LEPR: variants seen among roughly 807,000 people sequenced by gnomAD.
LEPR encodes the protein leptin receptor.
Under a neutral mutation model 114.7 loss-of-function variants are expected in LEPR, and 56 were observed. The ratio of observed to expected loss-of-function variants is 0.49; its 90% CI spans 0.39 to 0.61. LEPR has a LOEUF of 0.61. Ranked by LOEUF, LEPR falls within the 20% of genes least tolerant of loss-of-function variation. LEPR has a pLI of 0.00. For synonymous variants in LEPR, 443 were observed against 461.4 expected (o/e 0.96, Z 0.51); for missense variants, 1,202 against 1,352.9 (o/e 0.89, Z 1.75).
At chr1:65,456,481 A>G (rs1437960133) in intron 2 of LEPR, among the ~76,000 whole-genome samples, 1 of 152,056 alleles carries the variant, frequency 6.6e-6, no homozygotes, top group Non-Finnish European at 1.5e-5. Flanking sequence ...TTTGCCTCTC[A>G]TTTTAATGTA....
intron 15 of LEPR, among the ~76,000 whole-genome samples, chr1:65,617,298 C>A (rs1188750670): frequency 2.6e-5 from 4 of 152,122 alleles, no homozygotes; most frequent in Non-Finnish European, 5.9e-5. Flanking sequence ...CCTGACCTGG[C>A]ATTGAGATTC....
At chr1:65,456,142 C>G (rs1012518076) in intron 2 of LEPR, among the ~76,000 whole-genome samples, 6 of 152,126 alleles carry the variant, frequency 3.9e-5, no homozygotes, top group African/African-American at 1.4e-4. Flanking sequence ...AGCTTCGGCT[C>G]GTGCACGGTG....
In LEPR at chr1:65,572,266, T is replaced by C. The variant is rs1431834761; in HGVS notation, c.371-60T>C. 7 of 1,467,540 alleles carry C rather than the reference T, an allele frequency of 4.8e-6. No individual in the cohort carries two copies. In the African/African-American group the frequency reaches 7.3e-5, roughly 15 times the overall value. The allele number at this position is 1,467,540 out of a possible 1,614,324, so 90.9% of individuals were successfully genotyped here. On this transcript the variant is annotated intron_variant, in intron 4 of 19. Transcript: ENST00000349533. Reference sequence around the variant, plus strand: ...CTTCTCTTTCACTGAGTTGTTCAGATGGTTTTTGAGATTTCATGTAGTTGT... The same window carrying C: ...CTTCTCTTTCACTGAGTTGTTCAGACGGTTTTTGAGATTTCATGTAGTTGT...
intron 19 of LEPR, among the ~76,000 whole-genome samples, chr1:65,623,586 T>C (rs1267015205): frequency 6.6e-6 from 1 of 152,196 alleles, no homozygotes; most frequent in Non-Finnish European, 1.5e-5. Flanking sequence ...ATTCTCATAA[T>C]GTCCCTTGAA....
intron 5 of LEPR, among the ~76,000 whole-genome samples, chr1:65,592,020 A>G (rs1655730448): frequency 6.6e-6 from 1 of 151,898 alleles, no homozygotes; most frequent in African/African-American, 2.4e-5. Flanking sequence ...TCAATTTATT[A>G]TAGTCCAAGA....
chr1:65,635,019 T>C (rs1658668092), intron 19 of LEPR: 1 of 843,402 alleles, frequency 1.2e-6, no homozygotes, highest in Non-Finnish European at 1.4e-6. Flanking sequence ...TATTTTGCGC[T>C]TGGCATATTT....
chr1:65,572,290 G>GT (rs747467075), intron 4 of LEPR, 36 bp from the exon 5 acceptor site: 57,013 of 794,720 alleles, frequency 0.072, 2,721 homozygotes, highest in African/African-American at 0.17. Context: ...TCATGTAGTT[G>GT]TTTTTTTTTT....
chr1:65,451,675 C>G (rs971009136), intron 2 of LEPR, among the ~76,000 whole-genome samples: 7 of 152,176 alleles, frequency 4.6e-5, no homozygotes, highest in Admixed American at 2.0e-4. Flanking sequence ...GTTTTGGTTA[C>G]TGTAGCCTTG....
chr1:65,611,698 T>G (rs1299717220), intron 14 of LEPR, among the ~76,000 whole-genome samples: 2 of 152,212 alleles, frequency 1.3e-5, no homozygotes, highest in Non-Finnish European at 2.9e-5. Context: ...ATATCATGGA[T>G]TCCACATTTC....
rs965904085 is a variant in LEPR at position 65,445,728 on chromosome 1, GTTT to G, written c.-21+20356_-21+20358del. Among the ~76,000 whole-genome samples, 10 of 150,654 alleles carry G rather than the reference GTTT, an allele frequency of 6.6e-5. No individual in the cohort carries two copies. The South Asian group carries it at 2.1e-3, about 32-fold the overall frequency. On this transcript the variant is annotated intron_variant, in intron 2 of 19. Transcript: ENST00000349533. Reference sequence around the variant, plus strand: ...TAACACACACTGAACTTAGAGTTTTGTTTTTTTTCTACACATGCCATTTCTGCA... The same window carrying G: ...TAACACACACTGAACTTAGAGTTTTGTTTTTCTACACATGCCATTTCTGCA...
At chr1:65,477,752 C>T (rs371336236) in intron 2 of LEPR, among the ~76,000 whole-genome samples, 1 of 152,338 alleles carries the variant, frequency 6.6e-6, no homozygotes, top group African/African-American at 2.4e-5. Flanking sequence ...ATAACCTGAC[C>T]ACATTATGAG....
rs185397603 is a variant in LEPR, at chr1:65,473,116, C to T, written c.-21+47738C>T. Among the ~76,000 whole-genome samples, 163 of 152,328 alleles carry T rather than the reference C, an allele frequency of 1.1e-3. No individual in the cohort carries two copies. In the Middle Eastern group the frequency reaches 0.014, roughly 13 times the overall value. On this transcript the variant is annotated intron_variant, in intron 2 of 19. Transcript: ENST00000349533. Reference sequence around the variant, plus strand: ...CAAAAAGCAGTGATAATACTCTTGACGGCTTGCCCTGTGCCAGGGTCTGTG... The same window carrying T: ...CAAAAAGCAGTGATAATACTCTTGATGGCTTGCCCTGTGCCAGGGTCTGTG...
At chr1:65,546,613 T>C (rs145442052) in intron 2 of LEPR, among the ~76,000 whole-genome samples, 2 of 152,192 alleles carry the variant, frequency 1.3e-5, no homozygotes, top group African/African-American at 4.8e-5. Flanking sequence ...TCTGTTTGTC[T>C]GTTATTGGTG....
intron 2 of LEPR, among the ~76,000 whole-genome samples, chr1:65,437,915 C>T (rs533572609): frequency 1.3e-5 from 2 of 151,844 alleles, no homozygotes; most frequent in South Asian, 2.1e-4. Flanking sequence ...GCAAGGGTTC[C>T]TCCCACTTCT....
intron 19 of LEPR, chr1:65,630,417 A>AT (rs1173429179): frequency 7.2e-6 from 1 of 138,914 alleles, no homozygotes; most frequent in African/African-American, 2.7e-5. Flanking sequence ...CAATAAAAAA[A>AT]AAAAAGAAAG....
chr1:65,571,863 A>G (rs1435445177), intron 4 of LEPR, among the ~76,000 whole-genome samples: 2 of 145,010 alleles, frequency 1.4e-5, no homozygotes, highest in Admixed American at 6.9e-5. Flanking sequence ...CCATCTACTT[A>G]GGAGACTGAG....
intron 2 of LEPR, among the ~76,000 whole-genome samples, chr1:65,488,997 C>T (rs1647725381): frequency 6.6e-6 from 1 of 152,158 alleles, no homozygotes; most frequent in African/African-American, 2.4e-5. Flanking sequence ...ATATGTACCA[C>T]ATTTTCTTTA....
intron 5 of LEPR, among the ~76,000 whole-genome samples, chr1:65,586,140 G>A (rs982801201): frequency 1.1e-4 from 17 of 152,070 alleles, no homozygotes; most frequent in African/African-American, 2.2e-4. Context: ...AATAAGGCAC[G>A]TTGGGTGTAA....
At chr1:65,626,239 C>G (rs1391005833) in intron 19 of LEPR, 3 of 1,483,120 alleles carry the variant, frequency 2.0e-6, no homozygotes, top group Non-Finnish European at 2.7e-6. Flanking sequence ...ACAATGCTGC[C>G]ACAGGTCATC....
Sources: allele counts gnomAD v4.1 joint callset (sites outside exome capture counted in the v4.1 genomes callset), GRCh38; gene constraint gnomAD v4.1.1; transcripts MANE v1.5; gene names NCBI Gene and HGNC (gene_info 2026-07-23, HGNC 2026-07-21).